The following COG5 variants were observed in gnomAD, a reference collection of about 807,000 sequenced individuals.
COG5 encodes the protein conserved oligomeric Golgi complex subunit 5.
A neutral mutation model predicts 110.4 loss-of-function variants in COG5; 86 were observed. The ratio of observed to expected loss-of-function variants is 0.78; its 90% confidence interval spans 0.65 to 0.93. COG5 has a LOEUF of 0.93. Among genes scored for constraint, COG5 ranks in the 40% least tolerant of loss-of-function variants. The pLI, the probability that COG5 is intolerant of heterozygous loss-of-function variation, is 0.00. For synonymous variants in COG5, 360 were observed against 334.6 expected (o/e 1.08, Z -0.83); for missense variants, 1,077 against 987.0 (o/e 1.09, Z -1.22).
At chr7:107,420,546 C>T (rs974822564) in intron 6 of COG5, among the ~76,000 whole-genome samples, 3 of 152,098 alleles carry the variant, frequency 2.0e-5, no homozygotes, top group African/African-American at 7.2e-5. Flanking sequence ...CTGCAACCTC[C>T]GCCTTCCAGG....
chr7:107,330,926 G>A (rs978716231), intron 10 of COG5, among the ~76,000 whole-genome samples: 4 of 151,222 alleles, frequency 2.6e-5, no homozygotes, highest in African/African-American at 7.3e-5. Context: ...GGGTTCAAGC[G>A]ATTCTCCTGT....
chr7:107,240,065 C>T (rs1256163971), intron 17 of COG5, among the ~76,000 whole-genome samples: 1 of 152,204 alleles, frequency 6.6e-6, no homozygotes, highest in African/African-American at 2.4e-5. Flanking sequence ...ATATGAGTCA[C>T]TTTACATGGA....
At chr7:107,421,449 G>A (rs546891626) in intron 6 of COG5, among the ~76,000 whole-genome samples, 20 of 152,226 alleles carry the variant, frequency 1.3e-4, no homozygotes, top group Non-Finnish European at 2.4e-4. Context: ...ACCATGTTCT[G>A]GGTCACAAAA....
At chr7:107,458,186 G>A (rs1289024730) in intron 6 of COG5, among the ~76,000 whole-genome samples, 1 of 152,284 alleles carries the variant, frequency 6.6e-6, no homozygotes, top group South Asian at 2.1e-4. Flanking sequence ...ATTTTGACAA[G>A]AAAAACAGAA....
At chr7:107,527,451 A>G (rs1041431341) in intron 5 of COG5, 94 bp from the exon 6 acceptor site, 12 of 1,352,878 alleles carry the variant, frequency 8.9e-6, no homozygotes, top group Non-Finnish European at 1.2e-5. Context: ...TGATAGGTGC[A>G]GCAAACCACC....
chr7:107,476,377 G>A (rs1796998272), intron 6 of COG5, among the ~76,000 whole-genome samples: 1 of 150,684 alleles, frequency 6.6e-6, no homozygotes, highest in South Asian at 2.1e-4. Context: ...ACAACTTTAG[G>A]GTAATACACT....
intron 7 of COG5, among the ~76,000 whole-genome samples, chr7:107,381,103 T>C (rs1418908368): frequency 6.6e-6 from 1 of 151,648 alleles, no homozygotes; most frequent in Non-Finnish European, 1.5e-5. Flanking sequence ...ATTCAAAAGG[T>C]TTATAAAAGG....
At chr7:107,398,161 C>A (rs944688290) in intron 7 of COG5, among the ~76,000 whole-genome samples, 1 of 152,008 alleles carries the variant, frequency 6.6e-6, no homozygotes, top group Non-Finnish European at 1.5e-5. Context: ...TTCAAAAAGA[C>A]AATATCAAGG....
At chr7:107,305,668 G>A (rs1022315200) in intron 11 of COG5, among the ~76,000 whole-genome samples, 2 of 152,050 alleles carry the variant, frequency 1.3e-5, no homozygotes, top group South Asian at 4.1e-4. Flanking sequence ...ACTGGGGAAG[G>A]ATCTGCTTCC....
intron 17 of COG5, among the ~76,000 whole-genome samples, chr7:107,243,726 C>T (rs896074427): frequency 6.8e-6 from 1 of 146,092 alleles, no homozygotes; most frequent in Non-Finnish European, 1.5e-5. Context: ...ACATTCTTCT[C>T]ATCACCACGT....
intron 6 of COG5, among the ~76,000 whole-genome samples, chr7:107,489,458 C>T (rs768400102): frequency 6.6e-6 from 1 of 152,128 alleles, no homozygotes; most frequent in Non-Finnish European, 1.5e-5. Flanking sequence ...ATAACCCTAC[C>T]CAAATTTTAC....
chr7:107,262,116 C>A (rs1213081531), intron 14 of COG5, among the ~76,000 whole-genome samples: 1 of 152,006 alleles, frequency 6.6e-6, no homozygotes, highest in Non-Finnish European at 1.5e-5. Flanking sequence ...GTCTTGAACT[C>A]CTGGCCTCAA....
intron 6 of COG5, among the ~76,000 whole-genome samples, chr7:107,430,951 C>CG (rs1411941369): frequency 4.6e-5 from 7 of 151,878 alleles, no homozygotes; most frequent in African/African-American, 1.7e-4. Context: ...AAAGGTGATA[C>CG]GATGCAGGGC....
At chr7:107,307,757 T>C (rs1167136835) in intron 11 of COG5, among the ~76,000 whole-genome samples, 2 of 151,986 alleles carry the variant, frequency 1.3e-5, no homozygotes, top group African/African-American at 4.8e-5. Context: ...AGGGACATGA[T>C]GGGGGAGAAG....
At chr7:107,257,861 T>G (rs1803000290) in intron 15 of COG5, among the ~76,000 whole-genome samples, 1 of 152,154 alleles carries the variant, frequency 6.6e-6, no homozygotes, top group Non-Finnish European at 1.5e-5. Flanking sequence ...CCCTGACTTT[T>G]TAATGCAAAG....
intron 14 of COG5, among the ~76,000 whole-genome samples, chr7:107,270,045 T>A (rs1004336188): frequency 2.6e-5 from 4 of 152,212 alleles, no homozygotes; most frequent in African/African-American, 4.8e-5. Context: ...GAACACACAA[T>A]GCTTCAGTAA....
chr7:107,286,861 T>G (rs1562951379), intron 12 of COG5, among the ~76,000 whole-genome samples: 1 of 152,166 alleles, frequency 6.6e-6, no homozygotes, highest in Non-Finnish European at 1.5e-5. Flanking sequence ...CTTACACAGA[T>G]CTGATCGCTA....
chr7:107,227,706 C>T (rs9641380), intron 19 of COG5, among the ~76,000 whole-genome samples: 4 of 118,164 alleles, frequency 3.4e-5, no homozygotes, highest in East Asian at 2.7e-4. Context: ...TTTTTTGGGG[C>T]GGGGGGTGTG....
intron 14 of COG5, among the ~76,000 whole-genome samples, chr7:107,278,349 G>A (rs1804873794): frequency 6.6e-6 from 1 of 151,966 alleles, no homozygotes; most frequent in Admixed American, 6.6e-5. Context: ...GTATACACGT[G>A]CCATGGTGGT....
Sources: allele counts gnomAD v4.1 joint callset (sites outside exome capture counted in the v4.1 genomes callset), GRCh38; gene constraint gnomAD v4.1.1; transcripts MANE v1.5; gene names NCBI Gene and HGNC (gene_info 2026-07-23, HGNC 2026-07-21).